The following FHIT variants were observed in gnomAD, a reference collection of about 807,000 sequenced individuals.
FHIT encodes the protein fragile histidine triad diadenosine triphosphatase, also known as bis(5'-adenosyl)-triphosphatase.
In FHIT, 19 loss-of-function variants were observed where a neutral mutation model predicts 17.9. That is an observed-to-expected ratio of 1.06 (90% CI 0.74 to 1.56). The LOEUF (loss-of-function observed/expected upper bound fraction) is 1.56. Ranked by LOEUF, FHIT falls within the 40% of genes most tolerant of loss-of-function variation. The pLI, the probability that FHIT is intolerant of heterozygous loss-of-function variation, is 0.00. For missense variants in FHIT, 248 were observed against 189.2 expected (o/e 1.31, Z -1.82); for synonymous variants, 81 against 69.7 (o/e 1.16, Z -0.81).
chr3:59,759,564 A>ATCAC (rs1230134829), intron 8 of FHIT, among the ~76,000 whole-genome samples: 1 of 151,936 alleles, frequency 6.6e-6, no homozygotes, highest in Non-Finnish European at 1.5e-5. Flanking sequence ...TAGTGTGAAA[A>ATCAC]TCACTCAGTT....
intron 3 of FHIT, among the ~76,000 whole-genome samples, chr3:60,872,785 A>T: frequency 6.6e-6 from 1 of 152,012 alleles, no homozygotes; most frequent in East Asian, 1.9e-4. Flanking sequence ...ATAATAATAA[A>T]ATTTATGATG....
At chr3:60,262,882 GAACA>G (rs1386804292) in intron 5 of FHIT, among the ~76,000 whole-genome samples, 1 of 151,336 alleles carries the variant, frequency 6.6e-6, no homozygotes, top group Non-Finnish European at 1.5e-5. Flanking sequence ...TGGATTTGAA[GAACA>G]AAGAACTTTA....
At chr3:59,977,110 C>A (rs970070530) in intron 7 of FHIT, among the ~76,000 whole-genome samples, 1 of 151,992 alleles carries the variant, frequency 6.6e-6, no homozygotes, top group African/African-American at 2.4e-5. Flanking sequence ...CAGAGAGGGC[C>A]CGGGAACCAA....
chr3:60,199,636 C>T (rs1252008610), intron 5 of FHIT, among the ~76,000 whole-genome samples: 1 of 152,126 alleles, frequency 6.6e-6, no homozygotes, highest in Non-Finnish European at 1.5e-5. Flanking sequence ...CTAAGACTGG[C>T]TTCAGGATTC....
At chr3:60,699,516 C>G (rs1553701481) in intron 4 of FHIT, among the ~76,000 whole-genome samples, 2 of 152,002 alleles carry the variant, frequency 1.3e-5, no homozygotes, top group Admixed American at 6.6e-5. Flanking sequence ...CTTTGTGAAT[C>G]ATTATTCAGA....
chr3:60,516,502 C>A (rs1009283377), intron 5 of FHIT, among the ~76,000 whole-genome samples: 22 of 152,188 alleles, frequency 1.4e-4, no homozygotes, highest in African/African-American at 5.1e-4. Context: ...CCCAGGACCA[C>A]TGGTCTAGAG....
At chr3:60,832,715 A>AT (rs147606057) in intron 3 of FHIT, among the ~76,000 whole-genome samples, 20 of 151,910 alleles carry the variant, frequency 1.3e-4, no homozygotes, top group African/African-American at 4.8e-4. Flanking sequence ...CAGAGGCACC[A>AT]TAAAAGTCGT....
At chr3:59,907,767 C>T (rs1418723637) in intron 8 of FHIT, among the ~76,000 whole-genome samples, 1 of 152,330 alleles carries the variant, frequency 6.6e-6, no homozygotes, top group South Asian at 2.1e-4. Context: ...TATTATCTTA[C>T]AGCACTGGAG....
chr3:60,132,191 T>C (rs1699623574), intron 5 of FHIT, among the ~76,000 whole-genome samples: 1 of 152,294 alleles, frequency 6.6e-6, no homozygotes, highest in East Asian at 1.9e-4. Context: ...TCTTCATTTG[T>C]TTCCTTCATA....
chr3:60,416,945 C>A (rs958862687), intron 5 of FHIT, among the ~76,000 whole-genome samples: 4 of 151,764 alleles, frequency 2.6e-5, no homozygotes, highest in Admixed American at 2.6e-4. Flanking sequence ...AAAAATTAGC[C>A]GGGCGTGGTG....
intron 7 of FHIT, among the ~76,000 whole-genome samples, chr3:59,930,627 T>C (rs983262832): frequency 5.9e-5 from 9 of 152,174 alleles, no homozygotes; most frequent in Admixed American, 2.0e-4. Context: ...TCTGTTTCTA[T>C]GTTGGGATCC....
chr3:59,768,156 T>A (rs552473186), intron 8 of FHIT, among the ~76,000 whole-genome samples: 2 of 152,182 alleles, frequency 1.3e-5, no homozygotes, highest in Non-Finnish European at 2.9e-5. Flanking sequence ...AATTGGAACA[T>A]CACAACTGAC....
intron 4 of FHIT, among the ~76,000 whole-genome samples, chr3:60,646,890 G>A (rs1195362694): frequency 1.3e-5 from 2 of 152,128 alleles, no homozygotes; most frequent in African/African-American, 4.8e-5. Flanking sequence ...GAGAAAATGT[G>A]GATTACATAA....
intron 5 of FHIT, among the ~76,000 whole-genome samples, chr3:60,449,985 G>C (rs936543102): frequency 1.7e-5 from 2 of 120,798 alleles, no homozygotes; most frequent in Middle Eastern, 6.2e-3. Flanking sequence ...CCTGGCGACA[G>C]AGCTAGACTC....
chr3:60,291,528 G>C (rs1707984009), intron 5 of FHIT, among the ~76,000 whole-genome samples: 1 of 152,106 alleles, frequency 6.6e-6, no homozygotes, highest in South Asian at 2.1e-4. Context: ...TGTTAGCACA[G>C]CTGCCAGCAT....
intron 2 of FHIT, among the ~76,000 whole-genome samples, chr3:61,134,949 C>T (rs2036871080): frequency 6.6e-6 from 1 of 152,108 alleles, no homozygotes; most frequent in Non-Finnish European, 1.5e-5. Context: ...CTCTTCAGCC[C>T]AGGCCATGCA....
At chr3:60,296,431 T>C (rs1708215031) in intron 5 of FHIT, among the ~76,000 whole-genome samples, 1 of 152,182 alleles carries the variant, frequency 6.6e-6, no homozygotes, top group African/African-American at 2.4e-5. Flanking sequence ...GTTAATGATG[T>C]AGAACATCTT....
intron 3 of FHIT, among the ~76,000 whole-genome samples, chr3:60,938,340 C>A (rs1206788499): frequency 6.6e-6 from 1 of 152,192 alleles, no homozygotes; most frequent in Non-Finnish European, 1.5e-5. Flanking sequence ...GTCATCCACA[C>A]TTTACATGGT....
intron 5 of FHIT, among the ~76,000 whole-genome samples, chr3:60,203,576 G>A (rs1231894910): frequency 1.3e-5 from 2 of 152,132 alleles, no homozygotes; most frequent in African/African-American, 4.8e-5. Context: ...ATGTGTCTGT[G>A]TCTCCAGATG....
Sources: gnomAD v4.1 joint callset for allele counts (sites outside exome capture counted in the v4.1 genomes callset) on GRCh38, gnomAD v4.1.1 for gene constraint, MANE v1.5 for transcripts, NCBI Gene and HGNC (gene_info 2026-07-23, HGNC 2026-07-21) for gene names.